Variants in MAP3K1 observed in about 807,000 individuals in gnomAD.
The protein encoded by MAP3K1 is mitogen-activated protein kinase kinase kinase 1.
A neutral mutation model predicts 144.2 loss-of-function variants in MAP3K1; 36 were observed. That is an observed-to-expected ratio of 0.25 (90% confidence interval 0.19 to 0.33). MAP3K1 has a LOEUF of 0.33. Ranked by LOEUF, MAP3K1 falls within the 10% of genes least tolerant of loss-of-function variation. The probability of loss-of-function intolerance (pLI) is 1.00; values close to 1 mark genes in which losing one functional copy is unlikely to be tolerated. For missense variants in MAP3K1, 1,650 were observed against 1,881.9 expected, an observed-to-expected ratio of 0.88 and a Z score of 2.28; for synonymous variants, 718 against 688.7, an observed-to-expected ratio of 1.04 and a Z score of -0.67.
chr5:56,881,347 TA>T, intron 13 of MAP3K1, 75 bp downstream of exon 13: 8 of 1,337,366 alleles, frequency 6.0e-6, no homozygotes, highest in Non-Finnish European at 8.5e-6. Flanking sequence ...TGACACATTT[TA>T]GATTTTTGAA....
intron 2 of MAP3K1, among the ~76,000 whole-genome samples, chr5:56,858,561 T>G (rs113944577): frequency 4.6e-5 from 7 of 152,334 alleles, no homozygotes; most frequent in African/African-American, 1.7e-4. Context: ...CTGATTTTGT[T>G]TGTTTTTATA....
intron 1 of MAP3K1, among the ~76,000 whole-genome samples, chr5:56,817,286 G>C (rs1021298830): frequency 2.6e-5 from 4 of 152,180 alleles, no homozygotes; most frequent in Non-Finnish European, 4.4e-5. Context: ...TGAGTTGCTG[G>C]AAATGTTTTT....
At chr5:56,875,868 T>G (rs763022423) in intron 10 of MAP3K1, among the ~76,000 whole-genome samples, 1 of 152,222 alleles carries the variant, frequency 6.6e-6, no homozygotes, top group Non-Finnish European at 1.5e-5. Context: ...TCATCAACGT[T>G]ATTCTGATTT....
intron 1 of MAP3K1, among the ~76,000 whole-genome samples, chr5:56,846,720 G>C (rs33325): frequency 0.75 from 114,535 of 152,132 alleles, 43,645 homozygotes; most frequent in Non-Finnish European, 0.82. Flanking sequence ...GGCAAGTTTT[G>C]ACTTCGTTGC....
chr5:56,869,837 T>G (rs1747797428), intron 6 of MAP3K1, among the ~76,000 whole-genome samples: 1 of 152,206 alleles, frequency 6.6e-6, no homozygotes, highest in Non-Finnish European at 1.5e-5. Context: ...ATGCTGCTGT[T>G]AATTCTTTGT....
Position 56,865,420 on chromosome 5 carries a change from C to A in MAP3K1, c.1116C>A (p.Asp372Glu), listed in dbSNP as rs746708017. The change falls in exon 5 of 20, where the codon GAC becomes GAA. Residue 372 changes from aspartate (D) to glutamate (E), a missense_variant. Asp to Glu is a conservative substitution (Grantham distance 45, BLOSUM62 2). Around this residue, in one of 6 missense-constraint regions of MAP3K1, gnomAD observed 125 missense variants for 179.9 expected, o/e 0.69. Coordinates refer to ENST00000399503, the MANE Select transcript of MAP3K1 (RefSeq NM_005921.2). ...GGGTGTTTCAACTAGAACCTTCAGA[C>A]CCAATGTTATGGAGAAAAACTTTAA... Reference protein sequence around the residue: ...MLRVFQLEPSDPMLWRKTLKN... With the variant: ...MLRVFQLEPSEPMLWRKTLKN... 3.2e-5 allele frequency: 52 copies of A among 1,606,760 alleles called. No individual in the cohort carries two copies. The highest frequency in any genetic ancestry group is 4.3e-5 in the Non-Finnish European group (51 of 1,173,960).
In MAP3K1 at chr5:56,875,307, T is replaced by C; in HGVS notation, c.1962T>C (p.Ala654=). The part of the protein sequence containing the change: ...ADPVYKVYVA[A]LKTLRAMLVY... ...CTGTCTACAAAGTGTACGTTGCTGC[T>C]TTAGTAAGTAGCTTTATTCCATAAT... is the stretch of plus-strand genomic sequence containing the variant. The change falls in exon 10 of 20, where the codon GCT becomes GCC. Residue 654 remains alanine (A), a synonymous_variant. Coordinates refer to ENST00000399503, the MANE Select transcript of MAP3K1 (RefSeq NM_005921.2). 6.2e-7 allele frequency: 1 copy of C among 1,613,984 alleles called. No individual in the cohort carries two copies. Among genetic ancestry groups the C allele is most frequent in the Non-Finnish European group, 8.5e-7 (1 of 1,180,008 alleles).
Position 56,879,005 on chromosome 5 carries a change from A to G in MAP3K1, c.1991A>G (p.Tyr664Cys). Residue 664 changes from tyrosine (Y) to cysteine (C), a missense_variant, in exon 11 of 20, where the codon TAT (tyrosine) becomes TGT (cysteine). Coordinates refer to ENST00000399503, the MANE Select transcript of MAP3K1 (RefSeq NM_005921.2). ...AAAACATTGAGAGCCATGCTGGTAT[A>G]TACTCCTTGCCACAGTTTAGCGGAA... Reference protein sequence around the residue: ...ALKTLRAMLVYTPCHSLAERI... With the variant: ...ALKTLRAMLVCTPCHSLAERI... The G allele has an allele frequency of 3.1e-6, 5 of 1,613,950 alleles. No individual in the cohort carries two copies. The South Asian group carries it at 4.4e-5, about 14-fold the overall frequency.
At chr5:56,828,732 C>T (rs1298553993) in intron 1 of MAP3K1, among the ~76,000 whole-genome samples, 1 of 152,098 alleles carries the variant, frequency 6.6e-6, no homozygotes, top group Non-Finnish European at 1.5e-5. Flanking sequence ...AATTTTTTGA[C>T]AACTTTGCTA....
intron 19 of MAP3K1, among the ~76,000 whole-genome samples, chr5:56,892,495 T>C (rs887836166): frequency 4.6e-5 from 7 of 152,160 alleles, no homozygotes; most frequent in Admixed American, 1.3e-4. Flanking sequence ...AACAATTATA[T>C]GGATAACAGA....
intron 1 of MAP3K1, chr5:56,820,926 C>A: frequency 2.4e-6 from 1 of 423,938 alleles, no homozygotes; most frequent in Non-Finnish European, 3.2e-6. Flanking sequence ...TGCCTATTTT[C>A]TGATAAGAAT....
intron 1 of MAP3K1, among the ~76,000 whole-genome samples, chr5:56,833,774 C>T (rs1388000804): frequency 6.6e-6 from 1 of 151,562 alleles, no homozygotes; most frequent in Non-Finnish European, 1.5e-5. Flanking sequence ...GTTGGTAATG[C>T]CCTTTAATTT....
intron 1 of MAP3K1, among the ~76,000 whole-genome samples, chr5:56,824,140 C>G (rs73759215): frequency 0.017 from 2,580 of 152,236 alleles, 80 homozygotes; most frequent in African/African-American, 0.059. Context: ...GGCAAGTACT[C>G]CATGAGATTG....
At chr5:56,837,758 T>G (rs1332614159) in intron 1 of MAP3K1, among the ~76,000 whole-genome samples, 11 of 152,198 alleles carry the variant, frequency 7.2e-5, no homozygotes, top group Non-Finnish European at 5.9e-5. Context: ...GACATAAGCT[T>G]GAGACCCATT....
Position 56,871,893 on chromosome 5 carries a change from CT to C in MAP3K1, c.1302-15del. ...TATTCTTTTATGCTTAATACTTTTT[CT>C]TCCCCTTTTCTATAGCATAAAGGAT... is the stretch of plus-strand genomic sequence containing the variant. On this transcript the variant is annotated splice_polypyrimidine_tract_variant and intron_variant, in intron 6 of 19. Transcript: ENST00000399503. The C allele has an allele frequency of 6.2e-7, 1 of 1,612,798 alleles. No individual in the cohort carries two copies. Among genetic ancestry groups the C allele is most frequent in the South Asian group, 1.1e-5 (1 of 91,050 alleles).
At chr5:56,841,823 A>C (rs933016791) in intron 1 of MAP3K1, among the ~76,000 whole-genome samples, 29 of 152,358 alleles carry the variant, frequency 1.9e-4, no homozygotes, top group African/African-American at 6.7e-4. Flanking sequence ...CTAATGGCAC[A>C]GTCAGGACTT....
chr5:56,850,381 A>G (rs909390818), intron 1 of MAP3K1, among the ~76,000 whole-genome samples: 1 of 152,202 alleles, frequency 6.6e-6, no homozygotes, highest in Non-Finnish European at 1.5e-5. Flanking sequence ...CCTAAGGTTA[A>G]ATCTCATTAA....
Position 56,882,863 on chromosome 5 carries a change from G to A in MAP3K1, c.3663G>A (p.Gln1221=), listed in dbSNP as rs1173014148. Residue 1221 remains glutamine, a synonymous_variant, in exon 14 of 20, where the codon CAG becomes CAA. Transcript: ENST00000399503. ...GAGAAGATATCATCATTATTCAACA[G>A]GATGTAAGTATAGATTCTTTAAGAG... ...ENGEDIIIIQ[Q]DTPETLPGHT... 4.4e-6 allele frequency: 7 copies of A among 1,606,298 alleles called. No individual in the cohort carries two copies. The highest frequency in any genetic ancestry group is 5.9e-6 in the Non-Finnish European group (7 of 1,178,292).
In MAP3K1 at chr5:56,883,688, C is replaced by G. The variant is rs753158018; in HGVS notation, c.3819+9C>G. The G allele has an allele frequency of 1.9e-5, 31 of 1,613,336 alleles. No homozygotes were observed. The highest frequency in any genetic ancestry group is 2.5e-5 in the Non-Finnish European group (29 of 1,179,562). On this transcript the variant is annotated intron_variant, in intron 15 of 19. Transcript: ENST00000399503. Reference sequence around the variant, plus strand: ...TAATGGCTGTTAAACAGGTAAATATCTAGTGAGCATATAAATGAAATGACT... The same window carrying G: ...TAATGGCTGTTAAACAGGTAAATATGTAGTGAGCATATAAATGAAATGACT...
Sources: allele counts gnomAD v4.1 joint callset (sites outside exome capture counted in the v4.1 genomes callset), GRCh38; gene constraint gnomAD v4.1.1; regional missense constraint gnomAD v4.1.1; transcripts MANE v1.5; gene names NCBI Gene and HGNC (gene_info 2026-07-23, HGNC 2026-07-21).